Variants in GRID2 observed in about 807,000 individuals in gnomAD.
GRID2 encodes glutamate ionotropic receptor delta type subunit 2.
A neutral mutation model predicts 114.8 loss-of-function variants in GRID2; 33 were observed. The ratio of observed to expected loss-of-function variants is 0.29; its 90% CI spans 0.22 to 0.38. The LOEUF (loss-of-function observed/expected upper bound fraction) is 0.38, where lower values mean the gene tolerates loss of function less well. GRID2 is among the 10% of genes least tolerant of loss of function. GRID2 has a pLI of 1.00. For synonymous variants in GRID2, 505 were observed against 449.9 expected (o/e 1.12, Z -1.55); for missense variants, 1,184 against 1,257.7 (o/e 0.94, Z 0.89).
Position 93,422,842 on chromosome 4 carries a change from T to C in GRID2, c.1419T>C (p.Asp473=). The C allele has an allele frequency of 6.2e-7, 1 of 1,613,302 alleles. No individual in the cohort carries two copies. Among genetic ancestry groups the C allele is most frequent in the Non-Finnish European group, 8.5e-7 (1 of 1,179,250 alleles). Residue 473 remains aspartate (D), a synonymous_variant, in exon 10 of 16, where the codon GAT becomes GAC. Coordinates refer to ENST00000282020, the MANE Select transcript of GRID2 (RefSeq NM_001510.4). The part of the protein sequence containing the change: ...KPKKYQGFSI[D]VLDALSNYLG... Reference sequence around the variant, plus strand: ...AGAAATACCAGGGCTTCTCCATTGATGTTTTGGATGCCTTATCTAACTACC... The same window carrying C: ...AGAAATACCAGGGCTTCTCCATTGACGTTTTGGATGCCTTATCTAACTACC...
At chr4:93,044,112 A>G (rs17329373) in intron 2 of GRID2, among the ~76,000 whole-genome samples, 2,905 of 152,186 alleles carry the variant, frequency 0.019, 49 homozygotes, top group Non-Finnish European at 0.031. Flanking sequence ...GTATTTCTCA[A>G]TCTTAACAAA....
chr4:93,599,728 G>C lies in GRID2; in HGVS notation c.2194-26541G>C, dbSNP rs574078632. On this transcript the variant is annotated intron_variant, in intron 13 of 15. Transcript: ENST00000282020. Reference sequence around the variant, plus strand: ...GATATGACCCTTGAGAGAAGAAACTGCACAAGGAAAGAGTCGCAGTTACAT... The same window carrying C: ...GATATGACCCTTGAGAGAAGAAACTCCACAAGGAAAGAGTCGCAGTTACAT... 2.6e-5 allele frequency among the ~76,000 whole-genome samples: 4 copies of C among 152,292 alleles called. No homozygotes were observed. The East Asian group carries it at 7.7e-4, about 29-fold the overall frequency.
At chr4:93,630,348 G>C (rs1321478439) in intron 14 of GRID2, among the ~76,000 whole-genome samples, 1 of 152,090 alleles carries the variant, frequency 6.6e-6, no homozygotes. Flanking sequence ...CTCATTAAAG[G>C]CATTCAAGAA....
intron 13 of GRID2, among the ~76,000 whole-genome samples, chr4:93,621,360 T>C (rs1332908429): frequency 6.6e-6 from 1 of 152,144 alleles, no homozygotes; most frequent in African/African-American, 2.4e-5. Flanking sequence ...GAGGTAGATA[T>C]CACTTTGGAT....
chr4:93,733,701 A>G (rs1253184645), intron 14 of GRID2, among the ~76,000 whole-genome samples: 1 of 152,174 alleles, frequency 6.6e-6, no homozygotes, highest in Non-Finnish European at 1.5e-5. Context: ...TCAAATATCA[A>G]TCGTGATCAA....
rs757999570 is a variant in GRID2 at position 93,772,538 on chromosome 4, C to G, written c.*40C>G. The stretch of plus-strand genomic sequence containing the variant: ...TCTTCACTGTTTCTTTTTTAGGACT[C>G]CCTTTGCAAGGAGCAACTGTAATAT... On this transcript the variant is annotated 3_prime_UTR_variant, in exon 16 of 16. Coordinates refer to ENST00000282020, the MANE Select transcript of GRID2 (RefSeq NM_001510.4). 4.7e-5 allele frequency: 66 copies of G among 1,413,266 alleles called. No individual in the cohort carries two copies. The highest frequency in any genetic ancestry group is 6.3e-5 in the Non-Finnish European group (65 of 1,036,052). 87.5% of individuals were successfully genotyped at this position (1,413,266 alleles called of 1,614,324 possible). A position where few individuals can be genotyped will look rare whatever the true frequency, so the allele number is the denominator to read the frequency against.
At chr4:92,686,635 A>G (rs142090151) in intron 2 of GRID2, among the ~76,000 whole-genome samples, 54 of 152,250 alleles carry the variant, frequency 3.5e-4, no homozygotes, top group Non-Finnish European at 4.4e-5. Flanking sequence ...TCAAGTTAAG[A>G]TAAATATACC....
chr4:93,763,023 T>A (rs756594025), intron 14 of GRID2, among the ~76,000 whole-genome samples: 5 of 152,096 alleles, frequency 3.3e-5, no homozygotes, highest in Non-Finnish European at 5.9e-5. Context: ...ATTAGCCAAC[T>A]TTTAGCACCT....
At chr4:93,690,769 T>G (rs1270623055) in intron 14 of GRID2, among the ~76,000 whole-genome samples, 2 of 151,716 alleles carry the variant, frequency 1.3e-5, no homozygotes, top group Non-Finnish European at 3.0e-5. Flanking sequence ...TATACTGGAA[T>G]GATTATCTGG....
At chr4:93,786,893 A>C (rs779502397) in intron 1 of GRID2, among the ~76,000 whole-genome samples, 2 of 152,220 alleles carry the variant, frequency 1.3e-5, no homozygotes, top group Non-Finnish European at 2.9e-5. Flanking sequence ...AGTAAGCAGT[A>C]AAATGACTAC....
chr4:92,769,455 C>T (rs1738432893), intron 2 of GRID2, among the ~76,000 whole-genome samples: 1 of 152,140 alleles, frequency 6.6e-6, no homozygotes, highest in Non-Finnish European at 1.5e-5. Context: ...CCTCTTCTTC[C>T]AGCTGCACTA....
chr4:92,599,915 C>T (rs1049721997), intron 2 of GRID2, among the ~76,000 whole-genome samples: 6 of 151,122 alleles, frequency 4.0e-5, no homozygotes, highest in Non-Finnish European at 8.8e-5. Context: ...GTTTCAGCTA[C>T]TCGGGAGGCT....
intron 10 of GRID2, among the ~76,000 whole-genome samples, chr4:93,444,698 A>C (rs551283049): frequency 6.6e-6 from 1 of 152,138 alleles, no homozygotes; most frequent in Admixed American, 6.6e-5. Flanking sequence ...CAATGTGTTA[A>C]AAATACAAAA....
At chr4:92,457,363 C>A (rs1721268722) in intron 1 of GRID2, among the ~76,000 whole-genome samples, 1 of 152,058 alleles carries the variant, frequency 6.6e-6, no homozygotes. Context: ...TTGTAAGGAA[C>A]TTGAAGGCAA....
Position 93,191,141 on chromosome 4 carries a change from C to T in GRID2, c.736-16263C>T, listed in dbSNP as rs11736061. On this transcript the variant is annotated intron_variant, in intron 4 of 15. Coordinates refer to ENST00000282020, the MANE Select transcript of GRID2 (RefSeq NM_001510.4). ...ATAAAATTAGAAGGATGAAGAAGCACGTGTTTTATTTTTAATGGAGATTTT... is the reference window on the plus strand; with the variant it reads ...ATAAAATTAGAAGGATGAAGAAGCATGTGTTTTATTTTTAATGGAGATTTT... Among the ~76,000 whole-genome samples the T allele has an allele frequency of 6.8e-3, 1,032 of 151,956 alleles. 12 individuals carry two copies. Among genetic ancestry groups the T allele is most frequent in the African/African-American group, 0.018 (760 of 41,492 alleles).
chr4:93,654,515 T>C (rs2149726547), intron 14 of GRID2, among the ~76,000 whole-genome samples: 1 of 152,252 alleles, frequency 6.6e-6, no homozygotes, highest in South Asian at 2.1e-4. Context: ...CACATATTTG[T>C]CAGAATGAAC....
chr4:93,405,017 A>T (rs1015355765), intron 9 of GRID2, among the ~76,000 whole-genome samples: 1 of 152,110 alleles, frequency 6.6e-6, no homozygotes. Flanking sequence ...GTAATATTGT[A>T]TGATGTAAAT....
chr4:92,836,571 A>G (rs889363775), intron 2 of GRID2, among the ~76,000 whole-genome samples: 5 of 152,116 alleles, frequency 3.3e-5, no homozygotes, highest in African/African-American at 1.2e-4. Flanking sequence ...GCATTGTTAT[A>G]TATTACAGTT....
chr4:92,670,704 C>G (rs769485362), intron 2 of GRID2, among the ~76,000 whole-genome samples: 3 of 151,982 alleles, frequency 2.0e-5, no homozygotes, highest in Admixed American at 1.3e-4. Flanking sequence ...AGGAAAAGTT[C>G]TAAATGCTTT....
Sources: allele counts gnomAD v4.1 joint callset (sites outside exome capture counted in the v4.1 genomes callset), GRCh38; gene constraint gnomAD v4.1.1; transcripts MANE v1.5; gene names NCBI Gene and HGNC (gene_info 2026-07-23, HGNC 2026-07-21).